The following TBC1D1 variants were observed in gnomAD, a reference collection of about 807,000 sequenced individuals.
TBC1D1 encodes TBC1 (tre-2/USP6, BUB2, cdc16) domain family, member 1.
Under a neutral mutation model 125.6 loss-of-function variants are expected in TBC1D1, and 89 were observed. That is an observed-to-expected ratio of 0.71 (90% CI 0.60 to 0.85). The LOEUF (loss-of-function observed/expected upper bound fraction) is 0.85. Ranked by LOEUF, TBC1D1 falls within the 40% of genes least tolerant of loss-of-function variation. The pLI is 0.00. For missense variants in TBC1D1, 1,377 were observed against 1,469.2 expected, an observed-to-expected ratio of 0.94 and a Z score of 1.03; for synonymous variants, 565 against 564.1, an observed-to-expected ratio of 1.00 and a Z score of -0.02.
chr4:37,981,286 A>G (rs1485804154), intron 2 of TBC1D1, among the ~76,000 whole-genome samples: 3 of 152,176 alleles, frequency 2.0e-5, no homozygotes, highest in African/African-American at 7.2e-5. Context: ...GCTAATTAAT[A>G]TTTTATGTAA....
At chr4:38,029,912 C>G (rs1005428220) in intron 7 of TBC1D1, among the ~76,000 whole-genome samples, 5 of 152,188 alleles carry the variant, frequency 3.3e-5, no homozygotes, top group Admixed American at 6.5e-5. Flanking sequence ...ACACAATACT[C>G]TTAGAAAATA....
chr4:37,893,783 G>A (rs1713907409), intron 1 of TBC1D1, among the ~76,000 whole-genome samples: 1 of 152,156 alleles, frequency 6.6e-6, no homozygotes, highest in Non-Finnish European at 1.5e-5. Flanking sequence ...ACATGATCGT[G>A]CCACTGAGTC....
chr4:38,086,068 C>A (rs1757430715), intron 12 of TBC1D1, among the ~76,000 whole-genome samples: 1 of 152,188 alleles, frequency 6.6e-6, no homozygotes, highest in South Asian at 2.1e-4. Context: ...TTTTAACTAT[C>A]TCCCTTTATA....
chr4:38,117,113 T>C (rs192266570), intron 16 of TBC1D1, among the ~76,000 whole-genome samples: 1 of 152,324 alleles, frequency 6.6e-6, no homozygotes, highest in Admixed American at 6.5e-5. Context: ...ACAACTCTTT[T>C]GGGGTGGTGC....
chr4:37,948,480 TG>T (rs1253813201), intron 2 of TBC1D1, among the ~76,000 whole-genome samples: 1 of 151,882 alleles, frequency 6.6e-6, no homozygotes, highest in Non-Finnish European at 1.5e-5. Context: ...TACGAAAATT[TG>T]CTGAGCGTGG....
intron 12 of TBC1D1, among the ~76,000 whole-genome samples, chr4:38,084,600 C>A (rs2152530482): frequency 6.6e-6 from 1 of 152,344 alleles, no homozygotes; most frequent in Middle Eastern, 3.4e-3. Context: ...ACAACAGACG[C>A]TGCAGATGTT....
intron 15 of TBC1D1, chr4:38,110,642 C>A: frequency 1.0e-6 from 1 of 985,390 alleles, no homozygotes; most frequent in Non-Finnish European, 1.2e-6. Context: ...CCATGTTTGA[C>A]CCTCTCCACT....
chr4:37,993,730 C>T (rs1434638402), intron 2 of TBC1D1, among the ~76,000 whole-genome samples: 4 of 152,152 alleles, frequency 2.6e-5, no homozygotes, highest in East Asian at 1.9e-4. Flanking sequence ...TACAGGCGCC[C>T]GCCACCGTAC....
chr4:38,025,088 T>G (rs1744808799), intron 6 of TBC1D1, among the ~76,000 whole-genome samples: 1 of 152,184 alleles, frequency 6.6e-6, no homozygotes, highest in Admixed American at 6.5e-5. Flanking sequence ...TTAAAAAAAA[T>G]AGTTGAACTG....
At chr4:37,894,658 G>A (rs1240097356) in intron 1 of TBC1D1, among the ~76,000 whole-genome samples, 1 of 152,138 alleles carries the variant, frequency 6.6e-6, no homozygotes, top group African/African-American at 2.4e-5. Flanking sequence ...AAAGTGCTTA[G>A]AACAGTGCCT....
intron 12 of TBC1D1, among the ~76,000 whole-genome samples, chr4:38,067,024 G>A (rs758294853): frequency 9.2e-5 from 14 of 151,772 alleles, no homozygotes; most frequent in Admixed American, 3.3e-4. Flanking sequence ...TTACAGGTGC[G>A]CACCACCACG....
intron 15 of TBC1D1, among the ~76,000 whole-genome samples, chr4:38,111,291 G>A (rs1762159954): frequency 6.6e-6 from 1 of 152,194 alleles, no homozygotes; most frequent in Non-Finnish European, 1.5e-5. Flanking sequence ...TGTCGTGTTA[G>A]CCTAGAACAG....
At chr4:37,950,614 T>G (rs2152317433) in intron 2 of TBC1D1, among the ~76,000 whole-genome samples, 1 of 96,572 alleles carries the variant, frequency 1.0e-5, no homozygotes, top group African/African-American at 4.1e-5. Context: ...AATAGCAACA[T>G]TCCCCACCAG....
rs1194192837 is a variant in TBC1D1, at chr4:38,110,021, AAAAG to A, written c.2558-5681_2558-5678del. On this transcript the variant is annotated intron_variant, in intron 15 of 19. Transcript: ENST00000261439. ...AGTACCACTCCCTGGAGAAAAGAGC[AAAAG>A]AAAGAAACTTGTTAGTCAACTGTGC... 5.3e-5 allele frequency among the ~76,000 whole-genome samples: 8 copies of A among 152,348 alleles called. 1 individual carries two copies. Among genetic ancestry groups the A allele is most frequent in the Admixed American group, 6.5e-5 (1 of 15,308 alleles).
intron 2 of TBC1D1, among the ~76,000 whole-genome samples, chr4:38,006,329 G>T (rs1740160133): frequency 6.6e-6 from 1 of 152,078 alleles, no homozygotes; most frequent in Admixed American, 6.6e-5. Flanking sequence ...CATTTAACTG[G>T]ATTAGACTTC....
At chr4:38,129,187 C>A (rs1765163101) in intron 18 of TBC1D1, among the ~76,000 whole-genome samples, 1 of 152,162 alleles carries the variant, frequency 6.6e-6, no homozygotes, top group African/African-American at 2.4e-5. Flanking sequence ...GTTAGAAACA[C>A]AATGAACAAA....
chr4:37,989,737 G>C (rs746787352), intron 2 of TBC1D1, among the ~76,000 whole-genome samples: 2 of 152,210 alleles, frequency 1.3e-5, no homozygotes, highest in Non-Finnish European at 2.9e-5. Context: ...GAGAGAGGAG[G>C]ACATTGGCTT....
At chr4:38,117,345 G>A (rs1763146100) in intron 16 of TBC1D1, among the ~76,000 whole-genome samples, 1 of 152,118 alleles carries the variant, frequency 6.6e-6, no homozygotes, top group Non-Finnish European at 1.5e-5. Context: ...TCGGGCCTCT[G>A]TGAGCCTGTA....
rs980576499 is a variant in TBC1D1 at position 37,902,407 on chromosome 4, G to C, written c.312G>C (p.Leu104=). 7 of 1,614,198 alleles carry C rather than the reference G, an allele frequency of 4.3e-6. No individual in the cohort carries two copies. The East Asian group carries it at 1.6e-4, about 36-fold the overall frequency. ...GCAAGCCTCAGCGTGTTCACAAACT[G>C]ATTCACAACAGTCATGACCCAAGTT... The change falls in exon 2 of 20, where the codon CTG becomes CTC. Residue 104 remains leucine, a synonymous_variant. Transcript: ENST00000261439.
Sources: gnomAD v4.1 joint callset for allele counts (sites outside exome capture counted in the v4.1 genomes callset) on GRCh38, gnomAD v4.1.1 for gene constraint, MANE v1.5 for transcripts, NCBI Gene and HGNC (gene_info 2026-07-23, HGNC 2026-07-21) for gene names.